Variants in PLEKHM1 observed in about 807,000 individuals in gnomAD.
PLEKHM1 encodes the protein pleckstrin homology domain-containing family M member 1.
Under a neutral mutation model 94.3 loss-of-function variants are expected in PLEKHM1, and 28 were observed. That is an observed-to-expected ratio of 0.30 (90% CI 0.22 to 0.41). The LOEUF is 0.41. PLEKHM1 is among the 10% of genes least tolerant of loss of function. The pLI, the probability that PLEKHM1 is intolerant of heterozygous loss-of-function variation, is 1.00. For synonymous variants in PLEKHM1, 424 were observed against 581.2 expected, an observed-to-expected ratio of 0.73 and a Z score of 3.89; for missense variants, 907 against 1,358.6, an observed-to-expected ratio of 0.67 and a Z score of 5.22.
intron 1 of PLEKHM1, among the ~76,000 whole-genome samples, chr17:45,488,987 T>C (rs943060711): frequency 6.6e-6 from 1 of 152,066 alleles, no homozygotes; most frequent in South Asian, 2.1e-4. Flanking sequence ...GGCCCACCCA[T>C]CTGATGCCGG....
intron 1 of PLEKHM1, among the ~76,000 whole-genome samples, chr17:45,488,978 G>A (rs1432908344): frequency 6.6e-6 from 1 of 152,072 alleles, no homozygotes; most frequent in Non-Finnish European, 1.5e-5. Context: ...CAATCAAATG[G>A]CCCACCCATC....
Position 45,437,628 on chromosome 17 carries a change from T to C in PLEKHM1, c.*230A>G. The C allele has an allele frequency of 1.5e-6, 1 of 669,978 alleles. No homozygotes were observed. Among genetic ancestry groups the C allele is most frequent in the Non-Finnish European group, 2.7e-6 (1 of 366,860 alleles). The allele number at this position is 669,978 out of a possible 1,614,324, so 41.5% of individuals were successfully genotyped here. On this transcript the variant is annotated 3_prime_UTR_variant, in exon 12 of 12. Transcript: ENST00000430334. The surrounding 1 kb of genome is among the most constrained non-coding windows in gnomAD (Gnocchi z 4.0). ...CTGCCTGCCCCAGACAGGGAGCATC[T>C]GGTGGTGGCCACGCCTCCTGCAGCA...
intron 5 of PLEKHM1, chr17:45,460,156 G>A (rs763861030): frequency 1.3e-5 from 2 of 152,206 alleles, no homozygotes; most frequent in African/African-American, 4.8e-5. Context: ...TACAAGCCAA[G>A]GAATGCAAAC....
chr17:45,434,604 C>G (rs1353886699), downstream of PLEKHM1, among the ~76,000 whole-genome samples: 3 of 152,074 alleles, frequency 2.0e-5, no homozygotes, highest in South Asian at 4.2e-4. Flanking sequence ...CGCCATCATG[C>G]CCAGTTAATT....
At chr17:45,456,352 G>A (rs181643378) in intron 6 of PLEKHM1, 2 of 152,378 alleles carry the variant, frequency 1.3e-5, no homozygotes, top group East Asian at 1.9e-4. Flanking sequence ...GCACATCACA[G>A]AGCCTCAATA....
rs1567752924 is a variant in PLEKHM1 at position 45,435,991 on chromosome 17, G to A, written c.*1867C>T. 2.2e-6 allele frequency: 1 copy of A among 456,570 alleles called. No individual in the cohort carries two copies. The highest frequency in any genetic ancestry group is 4.4e-6 in the Non-Finnish European group (1 of 226,996). The allele number at this position is 456,570 out of a possible 1,614,324, so 28.3% of individuals were successfully genotyped here. ...ACATTGCAAAGACTCCTCAGGGCCA[G>A]AGCCCTGCTCACTAGGAACAGTGTA... On this transcript the variant is annotated 3_prime_UTR_variant, in exon 12 of 12. Coordinates refer to ENST00000430334, the MANE Select transcript of PLEKHM1 (RefSeq NM_014798.3).
rs1385058745 is a variant in PLEKHM1, at chr17:45,440,220, G to C, written c.2844C>G (p.Asn948Lys). Residue 948 changes from asparagine to lysine, a missense_variant, in exon 10 of 12, where the codon AAC (asparagine) becomes AAG (lysine). Coordinates refer to ENST00000430334, the MANE Select transcript of PLEKHM1 (RefSeq NM_014798.3). Reference sequence around the variant, plus strand: ...GAGATTCCAAGAGATAATTCCTGTGGTTGAGCCTTCAAACAAAACACAAGC... The same window carrying C: ...GAGATTCCAAGAGATAATTCCTGTGCTTGAGCCTTCAAACAAAACACAAGC... Reference protein sequence around the residue: ...GALKELSKRLNHRNYLLESPH... With the variant: ...GALKELSKRLKHRNYLLESPH... 1 of 1,614,006 alleles carries C rather than the reference G, an allele frequency of 6.2e-7. No homozygotes were observed. Among genetic ancestry groups the C allele is most frequent in the African/African-American group, 1.3e-5 (1 of 75,054 alleles).
At position 45,488,057 on chromosome 17, in the gene PLEKHM1, G is replaced by A. The variant is rs145791681; in HGVS notation, c.-42+2595C>T. ...GAGGAAAGCTGGATTTCTGTGATGG[G>A]TGGAGTGGTGGGGGTTGGAGCTTTG... On this transcript the variant is annotated intron_variant, in intron 1 of 11. Coordinates refer to ENST00000430334, the MANE Select transcript of PLEKHM1 (RefSeq NM_014798.3). 9.8e-3 allele frequency among the ~76,000 whole-genome samples: 1,499 copies of A among 152,356 alleles called. 29 individuals carry two copies. Among genetic ancestry groups the A allele is most frequent in the African/African-American group, 0.035 (1,451 of 41,580 alleles).
chr17:45,474,638 A>T (rs1422696877), intron 4 of PLEKHM1, among the ~76,000 whole-genome samples: 5 of 152,234 alleles, frequency 3.3e-5, no homozygotes, highest in Admixed American at 3.3e-4. Flanking sequence ...TGTGCCTTGT[A>T]GAGACTAAGT....
rs1385492591 is a variant in PLEKHM1 at position 45,453,726 on chromosome 17, G to A, written c.2126C>T (p.Ala709Val). The change falls in exon 7 of 12, where the codon GCT becomes GTT. Residue 709 changes from alanine (A) to valine (V), a missense_variant. Ala to Val is a moderately conservative substitution (Grantham distance 64, BLOSUM62 0). Coordinates refer to ENST00000430334, the MANE Select transcript of PLEKHM1 (RefSeq NM_014798.3). The surrounding 1 kb of genome is among the most constrained non-coding windows in gnomAD (Gnocchi z 4.1). Reference sequence around the variant, plus strand: ...GTTCCTGATGCGGAAACATTTCAGAGCCTCCAAGGACAGAGAAAATATATA... The same window carrying A: ...GTTCCTGATGCGGAAACATTTCAGAACCTCCAAGGACAGAGAAAATATATA... ...MPYIFSLSLEALKCFRIRNNE... is the reference protein window; with the variant it reads ...MPYIFSLSLEVLKCFRIRNNE... 1.9e-6 allele frequency: 3 copies of A among 1,613,944 alleles called. No individual in the cohort carries two copies. Among genetic ancestry groups the A allele is most frequent in the South Asian group, 2.2e-5 (2 of 91,070 alleles).
intron 11 of PLEKHM1, 44 bp downstream of exon 11, chr17:45,439,433 G>A (rs1321097639): frequency 6.2e-7 from 1 of 1,610,474 alleles, no homozygotes; most frequent in Admixed American, 1.7e-5. Flanking sequence ...GTGGGTGTGG[G>A]GAAGGGTGGG....
chr17:45,473,341 G>A (rs2051578498), intron 4 of PLEKHM1, among the ~76,000 whole-genome samples: 1 of 152,056 alleles, frequency 6.6e-6, no homozygotes, highest in African/African-American at 2.4e-5. Flanking sequence ...GTAATCCCCA[G>A]CAATTTGGGA....
Position 45,436,843 on chromosome 17 carries a change from TCTC to T in PLEKHM1, c.*1012_*1014del, listed in dbSNP as rs1217853391. 4 of 454,004 alleles carry T rather than the reference TCTC, an allele frequency of 8.8e-6. No homozygotes were observed. Among genetic ancestry groups the T allele is most frequent in the Non-Finnish European group, 1.8e-5 (4 of 226,754 alleles). The allele number at this position is 454,004 out of a possible 1,614,324, so 28.1% of individuals were successfully genotyped here. A position where few individuals can be genotyped will look rare whatever the true frequency, so the allele number is the denominator to read the frequency against. On this transcript the variant is annotated 3_prime_UTR_variant, in exon 12 of 12. Transcript: ENST00000430334. The stretch of plus-strand genomic sequence containing the variant: ...CTGCACAGCTTAGGACCAGGTCACT[TCTC>T]CACAGTGCAGGGCGTGGCTGCCTGC...
Position 45,453,772 on chromosome 17 carries a change from T to G in PLEKHM1, c.2080A>C (p.Met694Leu), listed in dbSNP as rs752322789. Residue 694 changes from methionine (M) to leucine (L), a missense_variant, in exon 7 of 12, where the codon ATG (methionine) becomes CTG (leucine). Transcript: ENST00000430334. The surrounding 1 kb of genome is among the most constrained non-coding windows in gnomAD (Gnocchi z 4.1). ...ATATAGGGCATCCAGGTCCTGTCCA[T>G]GTACAAGTACAGCAGGGACTCCTTG... The part of the protein sequence containing the change: ...AIKESLLYLY[M>L]DRTWMPYIFS... 8.7e-6 allele frequency: 14 copies of G among 1,613,964 alleles called. 2 individuals are homozygous for G. In the South Asian group the frequency reaches 1.5e-4, roughly 18 times the overall value.
rs754790774 is a variant in PLEKHM1 at position 45,475,092 on chromosome 17, G to A, written c.923+8C>T. The A allele has an allele frequency of 9.9e-5, 159 of 1,613,854 alleles. 1 individual carries two copies. The South Asian group carries it at 1.1e-3, about 11-fold the overall frequency. On this transcript the variant is annotated splice_region_variant and intron_variant, in intron 4 of 11. Coordinates refer to ENST00000430334, the MANE Select transcript of PLEKHM1 (RefSeq NM_014798.3). ...GAAGATGGGAAGGAGTGGGGGCAGC[G>A]TACTCACTCTTGCAGAGACCGGTCT...
intron 2 of PLEKHM1, among the ~76,000 whole-genome samples, chr17:45,478,634 T>C (rs1597998622): frequency 6.6e-6 from 1 of 152,056 alleles, no homozygotes; most frequent in African/African-American, 2.4e-5. Flanking sequence ...TTTAGAACAA[T>C]AAAAACATGA....
chr17:45,452,196 G>A (rs1404512649), intron 7 of PLEKHM1, among the ~76,000 whole-genome samples: 1 of 151,928 alleles, frequency 6.6e-6, no homozygotes, highest in African/African-American at 2.4e-5. Flanking sequence ...CATGGGCAGG[G>A]GGATGTCACT....
Position 45,437,128 on chromosome 17 carries a change from A to T in PLEKHM1, c.*730T>A, listed in dbSNP as rs773486672. 2 of 454,276 alleles carry T rather than the reference A, an allele frequency of 4.4e-6. No individual in the cohort carries two copies. Among genetic ancestry groups the T allele is most frequent in the South Asian group, 3.1e-5 (2 of 64,474 alleles). 28.1% of individuals were successfully genotyped at this position (454,276 alleles called of 1,614,324 possible). A position where few individuals can be genotyped will look rare whatever the true frequency, so the allele number is the denominator to read the frequency against. ...GGGCCAAGGCCCCAGGCTAGAGAAGAGCTAGGGGCTCTGACGCTGAGAAAG... is the reference window on the plus strand; with the variant it reads ...GGGCCAAGGCCCCAGGCTAGAGAAGTGCTAGGGGCTCTGACGCTGAGAAAG... On this transcript the variant is annotated 3_prime_UTR_variant, in exon 12 of 12. Coordinates refer to ENST00000430334, the MANE Select transcript of PLEKHM1 (RefSeq NM_014798.3). The surrounding 1 kb of genome is among the most constrained non-coding windows in gnomAD (Gnocchi z 4.0).
chr17:45,438,865 A>G (rs545535520), intron 11 of PLEKHM1, among the ~76,000 whole-genome samples: 2 of 152,348 alleles, frequency 1.3e-5, no homozygotes, highest in East Asian at 1.9e-4. Flanking sequence ...CCAAGATGGT[A>G]TAATTTTAAA....
Sources: allele counts gnomAD v4.1 joint callset (sites outside exome capture counted in the v4.1 genomes callset), GRCh38; gene constraint gnomAD v4.1.1; non-coding constraint Gnocchi (gnomAD v3.1); transcripts MANE v1.5; gene names NCBI Gene and HGNC (gene_info 2026-07-23, HGNC 2026-07-21).